Variants in ABCD3 observed in about 807,000 individuals in gnomAD.
ABCD3 encodes ATP-binding cassette sub-family D member 3.
In ABCD3, 41 loss-of-function variants were observed where a neutral mutation model predicts 105.5. That is an observed-to-expected ratio of 0.39 (90% CI 0.30 to 0.50). The LOEUF (loss-of-function observed/expected upper bound fraction) is 0.50, where lower values mean the gene tolerates loss of function less well. Among genes scored for constraint, ABCD3 ranks in the 20% least tolerant of loss-of-function variants. ABCD3 has a pLI of 0.84. For synonymous variants in ABCD3, 258 were observed against 269.0 expected (o/e 0.96, Z 0.40); for missense variants, 622 against 806.3 (o/e 0.77, Z 2.77).
At chr1:94,402,794 C>T in the ABCD3 span, among the ~76,000 whole-genome samples, 1 of 151,882 alleles carries the variant, frequency 6.6e-6, no homozygotes, top group African/African-American at 2.4e-5. Context: ...ATAATACTTC[C>T]TCTCTTTTTT....
chr1:94,450,424 G>A (rs1448644959), intron 1 of ABCD3, among the ~76,000 whole-genome samples: 1 of 152,232 alleles, frequency 6.6e-6, no homozygotes, highest in Admixed American at 6.5e-5. Flanking sequence ...AAGGTTGTGG[G>A]TTTACCGGAA....
intron 9 of ABCD3, 99 bp downstream of exon 9, chr1:94,480,705 A>G: frequency 8.2e-7 from 1 of 1,216,372 alleles, no homozygotes; most frequent in African/African-American, 1.5e-5. Context: ...CTGTTACTGT[A>G]ATAATGTGCA....
At chr1:94,483,094 A>T in intron 9 of ABCD3, 76 bp from the exon 10 acceptor site, 1 of 948,588 alleles carries the variant, frequency 1.1e-6, no homozygotes, top group Non-Finnish European at 1.7e-6. Flanking sequence ...ACATTCAGCC[A>T]TCATATACTG....
chr1:94,482,859 C>T, intron 9 of ABCD3: 2 of 343,574 alleles, frequency 5.8e-6, no homozygotes, highest in Admixed American at 4.2e-5. Flanking sequence ...CCTTTCTGTA[C>T]ATCACAGCAA....
chr1:94,489,821 A>G lies in ABCD3; in HGVS notation c.1249+5A>G. On this transcript the variant is annotated splice_donor_5th_base_variant and intron_variant, in intron 14 of 22. Transcript: ENST00000370214. ...TGGTCTCACAACAGGAAAAGGGTAA[A>G]TATGAGTGTCACAGTTTAAGGTCAC... The G allele has an allele frequency of 6.2e-7, 1 of 1,612,726 alleles. No individual in the cohort carries two copies. The highest frequency in any genetic ancestry group is 8.5e-7 in the Non-Finnish European group (1 of 1,179,064).
chr1:94,436,141 G>A, intron 1 of ABCD3, among the ~76,000 whole-genome samples: 1 of 152,204 alleles, frequency 6.6e-6, no homozygotes, highest in East Asian at 1.9e-4. Context: ...ATTTAGGGAT[G>A]CTCATTGCTA....
At chr1:94,471,212 A>AT (rs1361004928) in intron 4 of ABCD3, among the ~76,000 whole-genome samples, 1 of 152,112 alleles carries the variant, frequency 6.6e-6, no homozygotes, top group Non-Finnish European at 1.5e-5. Context: ...TTTCTGAACC[A>AT]TTTTTTAAAA....
At chr1:94,406,610 C>T in the ABCD3 span, 1 of 210,162 alleles carries the variant, frequency 4.8e-6, no homozygotes, top group South Asian at 7.6e-5. Flanking sequence ...GTGCTCAGTA[C>T]ACACACTGAT....
chr1:94,395,210 G>A, the ABCD3 span, among the ~76,000 whole-genome samples: 1 of 152,144 alleles, frequency 6.6e-6, no homozygotes, highest in Non-Finnish European at 1.5e-5. Flanking sequence ...GTTTCCTAGA[G>A]CCATCCTACT....
chr1:94,418,787 CCGG>C (rs924213199), intron 1 of ABCD3, 199 bp downstream of exon 1: 27 of 600,570 alleles, frequency 4.5e-5, no homozygotes, highest in Non-Finnish European at 7.0e-5. Context: ...GCTGGCCTGT[CCGG>C]CGACCTCGCT....
the ABCD3 span, among the ~76,000 whole-genome samples, chr1:94,408,454 C>A: frequency 1.3e-5 from 2 of 151,614 alleles, no homozygotes; most frequent in Non-Finnish European, 2.9e-5. Context: ...ATTAGCTGGG[C>A]GTAGTGGCGG....
upstream of ABCD3, among the ~76,000 whole-genome samples, chr1:94,415,206 C>G (rs1658978539): frequency 6.6e-6 from 1 of 152,198 alleles, no homozygotes; most frequent in Non-Finnish European, 1.5e-5. Context: ...GGTCACAAAA[C>G]TCAGCTCTGA....
chr1:94,414,775 C>G (rs1190218905), upstream of ABCD3, among the ~76,000 whole-genome samples: 1 of 152,204 alleles, frequency 6.6e-6, no homozygotes, highest in Non-Finnish European at 1.5e-5. Context: ...CCTGTTGTAT[C>G]TTCTTCGGAA....
At position 94,460,261 on chromosome 1, in the gene ABCD3, C is replaced by G. The variant is rs139720584; in HGVS notation, c.147+1618C>G. Among the ~76,000 whole-genome samples, 555 of 152,194 alleles carry G rather than the reference C, an allele frequency of 3.6e-3. 1 individual carries two copies. The highest frequency in any genetic ancestry group is 0.013 in the African/African-American group (529 of 41,528). ...CATTAGTCTAATTTTTAGTGCAATT[C>G]TCACATCTGGTATGTTAAGTAGAAG... On this transcript the variant is annotated intron_variant, in intron 2 of 22. Transcript: ENST00000370214.
intron 1 of ABCD3, among the ~76,000 whole-genome samples, chr1:94,456,803 A>G (rs372307417): frequency 1.5e-4 from 23 of 152,142 alleles, no homozygotes; most frequent in African/African-American, 5.3e-4. Context: ...GTTATGTTTT[A>G]ATTTTTTGAG....
intron 2 of ABCD3, 36 bp downstream of exon 2, chr1:94,458,679 T>G: frequency 6.3e-7 from 1 of 1,580,540 alleles, no homozygotes; most frequent in Non-Finnish European, 8.7e-7. Context: ...TGGGATTTCA[T>G]GCATTTATTT....
intron 4 of ABCD3, among the ~76,000 whole-genome samples, chr1:94,471,870 C>T (rs1648473711): frequency 6.6e-6 from 1 of 151,986 alleles, no homozygotes; most frequent in South Asian, 2.1e-4. Context: ...TTTTAATATC[C>T]TTTTCATATT....
the ABCD3 span, among the ~76,000 whole-genome samples, chr1:94,387,733 T>A: frequency 2.0e-5 from 3 of 152,212 alleles, no homozygotes; most frequent in South Asian, 6.2e-4. Context: ...TTGTCAGTGT[T>A]ATGCGATCTT....
At chr1:94,507,981 A>G in intron 21 of ABCD3, among the ~76,000 whole-genome samples, 2 of 146,334 alleles carry the variant, frequency 1.4e-5, no homozygotes, top group South Asian at 2.2e-4. Context: ...GCTGTGCAGA[A>G]GCTCTTTAGT....
Sources: gnomAD v4.1 joint callset for allele counts (sites outside exome capture counted in the v4.1 genomes callset) on GRCh38, gnomAD v4.1.1 for gene constraint, MANE v1.5 for transcripts, NCBI Gene and HGNC (gene_info 2026-07-23, HGNC 2026-07-21) for gene names.